Variants in RBFOX1 observed in about 807,000 individuals in gnomAD.
RBFOX1 encodes RNA binding fox-1 homolog 1.
In RBFOX1, 8 loss-of-function variants were observed where a neutral mutation model predicts 57.7. The observed-to-expected ratio is 0.14, with a 90% CI of 0.08 to 0.25. RBFOX1 has a LOEUF of 0.25. RBFOX1 is among the 10% of genes least tolerant of loss of function. The pLI is 1.00. For synonymous variants in RBFOX1, 326 were observed against 222.4 expected, an observed-to-expected ratio of 1.47 and a Z score of -4.15; for missense variants, 611 against 548.5, an observed-to-expected ratio of 1.11 and a Z score of -1.14.
At chr16:6,652,138 A>G (rs78590127) in intron 2 of RBFOX1, among the ~76,000 whole-genome samples, 2,163 of 152,186 alleles carry the variant, frequency 0.014, 60 homozygotes, top group African/African-American at 0.049. Context: ...TCTTAATCCA[A>G]TAGGATTGGT....
intron 4 of RBFOX1, among the ~76,000 whole-genome samples, chr16:5,919,203 A>C (rs72770914): frequency 6.6e-6 from 1 of 152,326 alleles, no homozygotes; most frequent in Non-Finnish European, 1.5e-5. Context: ...CAGGCTGACC[A>C]TATATCCCTG....
intron 1 of RBFOX1, among the ~76,000 whole-genome samples, chr16:5,249,184 T>C (rs1398234999): frequency 6.6e-6 from 1 of 152,128 alleles, no homozygotes; most frequent in Non-Finnish European, 1.5e-5. Context: ...TCCTTTTCCT[T>C]GTGTTCAGGC....
chr16:6,490,739 C>T (rs1359205769), intron 2 of RBFOX1, among the ~76,000 whole-genome samples: 2 of 152,188 alleles, frequency 1.3e-5, no homozygotes, highest in African/African-American at 4.8e-5. Flanking sequence ...TACCTCCTCC[C>T]AGCCTGGAGA....
intron 1 of RBFOX1, among the ~76,000 whole-genome samples, chr16:5,268,493 A>G (rs1237240136): frequency 6.6e-6 from 1 of 152,248 alleles, no homozygotes; most frequent in Non-Finnish European, 1.5e-5. Context: ...AAATCCCCTC[A>G]TCATTCATAA....
At chr16:5,552,421 G>A (rs2045501112) in intron 2 of RBFOX1, among the ~76,000 whole-genome samples, 1 of 152,138 alleles carries the variant, frequency 6.6e-6, no homozygotes, top group African/African-American at 2.4e-5. Flanking sequence ...TGTATTAAAT[G>A]CTCACATAGC....
intron 3 of RBFOX1, among the ~76,000 whole-genome samples, chr16:6,845,543 C>A (rs1363406268): frequency 2.0e-5 from 3 of 152,146 alleles, no homozygotes; most frequent in Admixed American, 2.0e-4. Flanking sequence ...GTCGTTGTGT[C>A]TGTTTTTGCA....
chr16:5,348,973 A>G (rs1380864403), intron 1 of RBFOX1, among the ~76,000 whole-genome samples: 2 of 152,140 alleles, frequency 1.3e-5, no homozygotes, highest in Non-Finnish European at 2.9e-5. Context: ...TTCTGTTTTC[A>G]ATTTTTTGAG....
At chr16:6,180,367 A>C (rs1431231279) in intron 1 of RBFOX1, among the ~76,000 whole-genome samples, 1 of 151,702 alleles carries the variant, frequency 6.6e-6, no homozygotes. Flanking sequence ...GTCTTTCCAG[A>C]AATATTTTTT....
At chr16:5,312,689 C>G (rs899649171) in intron 1 of RBFOX1, among the ~76,000 whole-genome samples, 1 of 152,254 alleles carries the variant, frequency 6.6e-6, no homozygotes, top group Admixed American at 6.5e-5. Context: ...AAGAGACAGA[C>G]AATTCTCAAA....
At chr16:6,794,029 G>A (rs747692929) in intron 3 of RBFOX1, among the ~76,000 whole-genome samples, 27 of 152,130 alleles carry the variant, frequency 1.8e-4, no homozygotes, top group Non-Finnish European at 3.1e-4. Context: ...AATGAAGCAC[G>A]CTAGGGAATT....
intron 3 of RBFOX1, among the ~76,000 whole-genome samples, chr16:6,910,536 G>A (rs1364635481): frequency 6.6e-6 from 1 of 152,148 alleles, no homozygotes; most frequent in Non-Finnish European, 1.5e-5. Flanking sequence ...TAGTTCTGGA[G>A]GTCAGAAGTC....
chr16:5,295,675 A>G (rs1396163583), intron 1 of RBFOX1, among the ~76,000 whole-genome samples: 1 of 152,198 alleles, frequency 6.6e-6, no homozygotes, highest in Non-Finnish European at 1.5e-5. Flanking sequence ...CAAAGCCAGC[A>G]AGACAGACAG....
chr16:5,932,467 T>C (rs1291721627), intron 4 of RBFOX1, among the ~76,000 whole-genome samples: 1 of 152,174 alleles, frequency 6.6e-6, no homozygotes, highest in Non-Finnish European at 1.5e-5. Context: ...ATGTCAGGCT[T>C]GTAGGACTCT....
intron 4 of RBFOX1, among the ~76,000 whole-genome samples, chr16:7,325,938 G>C (rs191624967): frequency 6.6e-6 from 1 of 152,186 alleles, no homozygotes; most frequent in Non-Finnish European, 1.5e-5. Flanking sequence ...ATGTCTGGCA[G>C]TGAGTGTCAT....
intron 3 of RBFOX1, among the ~76,000 whole-genome samples, chr16:6,861,658 CA>C (rs915993793): frequency 1.3e-5 from 2 of 151,946 alleles, no homozygotes; most frequent in Non-Finnish European, 2.9e-5. Flanking sequence ...ACTTGGCATG[CA>C]ACCTCCTCTA....
rs1217699382 is a variant in RBFOX1, at chr16:5,634,894, T to G, written c.318+35933T>G. On this transcript the variant is annotated intron_variant, in intron 3 of 19. Transcript: ENST00000641259. ...GAATCTTTTTACTCACAAGTGTTTA[T>G]ATGTCTATTCCAGGACGGATTCTGA... Among the ~76,000 whole-genome samples the G allele has an allele frequency of 4.6e-5, 7 of 152,350 alleles. No homozygotes were observed. In the East Asian group the frequency reaches 1.3e-3, roughly 29 times the overall value.
intron 2 of RBFOX1, among the ~76,000 whole-genome samples, chr16:6,557,050 T>C (rs12925012): frequency 4.1e-5 from 6 of 146,418 alleles, no homozygotes; most frequent in East Asian, 4.0e-4. Context: ...TATATACATA[T>C]ATATACATAT....
intron 3 of RBFOX1, among the ~76,000 whole-genome samples, chr16:6,915,549 CCTT>C (rs1372685211): frequency 4.4e-5 from 5 of 113,000 alleles, no homozygotes; most frequent in African/African-American, 3.2e-5. Context: ...CCCACACCCC[CCTT>C]TTTTTTTTTT....
chr16:6,338,119 T>C (rs2084023092), intron 2 of RBFOX1, among the ~76,000 whole-genome samples: 1 of 152,222 alleles, frequency 6.6e-6, no homozygotes, highest in African/African-American at 2.4e-5. Flanking sequence ...TCAGATACTT[T>C]GGATTACTGT....
Sources: gnomAD v4.1 joint callset for allele counts (sites outside exome capture counted in the v4.1 genomes callset) on GRCh38, gnomAD v4.1.1 for gene constraint, MANE v1.5 for transcripts, NCBI Gene and HGNC (gene_info 2026-07-23, HGNC 2026-07-21) for gene names.